Variants in SMARCD2 observed in about 807,000 individuals in gnomAD.
SMARCD2 encodes SWI/SNF related BAF chromatin remodeling complex subunit D2.
Under a neutral mutation model 70.4 loss-of-function variants are expected in SMARCD2, and 39 were observed. That is an observed-to-expected ratio of 0.55 (90% CI 0.43 to 0.72). SMARCD2 has a LOEUF of 0.72. Among genes scored for constraint, SMARCD2 ranks in the 30% least tolerant of loss-of-function variants. The pLI, the probability that SMARCD2 is intolerant of heterozygous loss-of-function variation, is 0.00. For missense variants in SMARCD2, 540 were observed against 713.4 expected, an observed-to-expected ratio of 0.76 and a Z score of 2.77; for synonymous variants, 249 against 279.4, an observed-to-expected ratio of 0.89 and a Z score of 1.08.
At position 63,833,058 on chromosome 17, in the gene SMARCD2, CAG is replaced by C; in HGVS notation, c.1542+9_1542+10del. 6.3e-7 allele frequency: 1 copy of C among 1,590,118 alleles called. No homozygotes were observed. The highest frequency in any genetic ancestry group is 2.3e-5 in the East Asian group (1 of 43,808). On this transcript the variant is annotated intron_variant, in intron 12 of 12. Coordinates refer to ENST00000448276, the MANE Select transcript of SMARCD2 (RefSeq NM_001098426.2). This position sits in a 1 kb window ranked among gnomAD's most constrained non-coding sequence, Gnocchi z 4.3. ...CACGGCCAAAGGAGGGAAAACAGGGCAGAGCCTCACCTTGGCAAAGATGTGCC... is the reference window on the plus strand; with the variant it reads ...CACGGCCAAAGGAGGGAAAACAGGGCAGCCTCACCTTGGCAAAGATGTGCC...
In SMARCD2 at chr17:63,835,055, C is replaced by T. The variant is rs1467654051; in HGVS notation, c.724-255G>A. The T allele has an allele frequency of 1.8e-5, 10 of 549,784 alleles. No homozygotes were observed. The South Asian group carries it at 2.1e-4, about 12-fold the overall frequency. 34.1% of individuals were successfully genotyped at this position (549,784 alleles called of 1,614,324 possible). A position where few individuals can be genotyped will look rare whatever the true frequency, so the allele number is the denominator to read the frequency against. The stretch of plus-strand genomic sequence containing the variant: ...CACTGTAATAACCACACAAATCAAC[C>T]TCCAACGGGCTTGGAGCAGCGCCCC... On this transcript the variant is annotated intron_variant, in intron 5 of 12. Coordinates refer to ENST00000448276, the MANE Select transcript of SMARCD2 (RefSeq NM_001098426.2).
rs1302709467 is a variant in SMARCD2, at chr17:63,838,602, T to C, written c.217-977A>G. Reference sequence around the variant, plus strand: ...GCTTCTTTAGATGCCTGCAGAAGGATTTCCCACCTGAGGCCTTGCTCCCTG... The same window carrying C: ...GCTTCTTTAGATGCCTGCAGAAGGACTTCCCACCTGAGGCCTTGCTCCCTG... On this transcript the variant is annotated intron_variant, in intron 1 of 12. Transcript: ENST00000448276. 6.7e-6 allele frequency: 10 copies of C among 1,487,716 alleles called. No individual in the cohort carries two copies. In the East Asian group the frequency reaches 1.0e-4, roughly 15 times the overall value. 92.2% of individuals were successfully genotyped at this position (1,487,716 alleles called of 1,614,324 possible).
At position 63,837,513 on chromosome 17, in the gene SMARCD2, G is replaced by A; in HGVS notation, c.329C>T (p.Thr110Ile). ...GCGTTTTCGGAATGGATCCATCATG[G>A]TGGGTGGCATGCCAGGTCGAAGCGG... ...AAPLRPGMPP[T>I]MMDPFRKRLL... Residue 110 changes from threonine to isoleucine, a missense_variant, in exon 2 of 13, where the codon ACC becomes ATC. Physicochemically the swap from Thr to Ile is moderately conservative, Grantham distance 89. Transcript: ENST00000448276. This position sits in a 1 kb window ranked among gnomAD's most constrained non-coding sequence, Gnocchi z 6.4. 1 of 1,606,606 alleles carries A rather than the reference G, an allele frequency of 6.2e-7. No homozygotes were observed.
rs543605112 is a variant in SMARCD2 at position 63,837,015 on chromosome 17, C to T, written c.474G>A (p.Ala158=). The T allele has an allele frequency of 2.3e-5, 37 of 1,613,740 alleles. No homozygotes were observed. The highest frequency in any genetic ancestry group is 1.5e-4 in the African/African-American group (11 of 75,054). ...RIRELVPESQ[A]YMDLLAFERK... ...GCTCAAAAGCCAAGAGATCCATGTA[C>T]GCCTGAGACTCTGGAACAAGCTCCC... is the stretch of plus-strand genomic sequence containing the variant. Residue 158 remains alanine (A), a synonymous_variant, in exon 4 of 13, where the codon GCG becomes GCA. Transcript: ENST00000448276. The surrounding 1 kb of genome is among the most constrained non-coding windows in gnomAD (Gnocchi z 6.4).
rs2040278224 is a variant in SMARCD2, at chr17:63,837,324, T to C, written c.402-87A>G. On this transcript the variant is annotated intron_variant, in intron 2 of 12. Coordinates refer to ENST00000448276, the MANE Select transcript of SMARCD2 (RefSeq NM_001098426.2). This position sits in a 1 kb window ranked among gnomAD's most constrained non-coding sequence, Gnocchi z 6.4. ...AACGCCCCTCCAGTCTCCAGGACCC[T>C]CTCCCCCAGGAGAGCCTGGAGTCAT... 3.9e-6 allele frequency: 6 copies of C among 1,527,052 alleles called. No individual in the cohort carries two copies. The highest frequency in any genetic ancestry group is 3.6e-6 in the Non-Finnish European group (4 of 1,101,232). The allele number at this position is 1,527,052 out of a possible 1,614,324, so 94.6% of individuals were successfully genotyped here.
In SMARCD2 at chr17:63,833,120, G is replaced by C. The variant is rs1307287893; in HGVS notation, c.1491C>G (p.Phe497Leu). The change falls in exon 12 of 13, where the codon TTC (phenylalanine) becomes TTG (leucine). Residue 497 changes from phenylalanine to leucine, a missense_variant. Coordinates refer to ENST00000448276, the MANE Select transcript of SMARCD2 (RefSeq NM_001098426.2). This position sits in a 1 kb window ranked among gnomAD's most constrained non-coding sequence, Gnocchi z 4.3. The stretch of plus-strand genomic sequence containing the variant: ...CTTCCTGGGCCCAGGGCTGGTGGTA[G>C]AAAGCAGCTCGTCTCTCCTCCTCAG... ...GNPEEERRAAFYHQPWAQEAV... is the reference protein window; with the variant it reads ...GNPEEERRAALYHQPWAQEAV... 1 of 1,606,916 alleles carries C rather than the reference G, an allele frequency of 6.2e-7. No individual in the cohort carries two copies. The highest frequency in any genetic ancestry group is 1.1e-5 in the South Asian group (1 of 89,666).
Position 63,833,100 on chromosome 17 carries a change from TG to T in SMARCD2, c.1510del (p.Gln504ArgfsTer4). 6.2e-7 allele frequency: 1 copy of T among 1,603,760 alleles called. No individual in the cohort carries two copies. Among genetic ancestry groups the T allele is most frequent in the South Asian group, 1.1e-5 (1 of 89,148 alleles). On this transcript the variant is annotated frameshift_variant, in exon 12 of 13. Coordinates refer to ENST00000448276, the MANE Select transcript of SMARCD2 (RefSeq NM_001098426.2). LOFTEE classifies it high-confidence loss of function. The surrounding 1 kb of genome is among the most constrained non-coding windows in gnomAD (Gnocchi z 4.3). Reference protein sequence around the residue: ...RAAFYHQPWAQEAVGRHIFAK... With the variant: ...RAAFYHQPWAXEAVGRHIFAK... Reference sequence around the variant, plus strand: ...AAAGATGTGCCTGCCTACTGCTTCCTGGGCCCAGGGCTGGTGGTAGAAAGCA... The same window carrying T: ...AAAGATGTGCCTGCCTACTGCTTCCTGGCCCAGGGCTGGTGGTAGAAAGCA...
Position 63,842,466 on chromosome 17 carries a change from T to C in SMARCD2, c.209A>G (p.Gln70Arg). ...RPMGPAGPAA[Q>R]YQRPGMSPGN... ...CGCGTCCTCCTTGCTCACCTGGTAC[T>C]GCGCCGCGGGGCCCGCGGGGCCCAT... The change falls in exon 1 of 13, where the codon CAG becomes CGG. Residue 70 changes from glutamine to arginine, a missense_variant. Transcript: ENST00000448276. The C allele has an allele frequency of 8.0e-7, 1 of 1,249,004 alleles. No individual in the cohort carries two copies. 77.4% of individuals were successfully genotyped at this position (1,249,004 alleles called of 1,614,324 possible).
rs1459773628 is a variant in SMARCD2, at chr17:63,834,983, A to AAT, written c.724-184_724-183insAT. On this transcript the variant is annotated intron_variant, in intron 5 of 12. Transcript: ENST00000448276. This position sits in a 1 kb window ranked among gnomAD's most constrained non-coding sequence, Gnocchi z 5.6. ...AGGCAGGGAAATGGTGCCCTCTTGC[A>AAT]GCCCACGAGGGACTTCCTCGAGACA... The AAT allele has an allele frequency of 1.9e-4, 114 of 598,282 alleles. No homozygotes were observed. Among genetic ancestry groups the AAT allele is most frequent in the Middle Eastern group, 8.8e-4 (2 of 2,260 alleles). 37.1% of individuals were successfully genotyped at this position (598,282 alleles called of 1,614,324 possible).
rs546763578 is a variant in SMARCD2, at chr17:63,841,644, C to T, written c.216+815G>A. Among the ~76,000 whole-genome samples, 161 of 152,358 alleles carry T rather than the reference C, an allele frequency of 1.1e-3. 1 individual carries two copies. Among genetic ancestry groups the T allele is most frequent in the Non-Finnish European group, 1.7e-3 (115 of 68,042 alleles). On this transcript the variant is annotated intron_variant, in intron 1 of 12. Transcript: ENST00000448276. ...AGGGCTTTTGAAGCTGCAATCTGAG[C>T]AGCTCTCAAAACCCCAAAGGGGTCA...
At position 63,842,564 on chromosome 17, in the gene SMARCD2, C is replaced by A; in HGVS notation, c.111G>T (p.Leu37=). 1 of 1,205,836 alleles carries A rather than the reference C, an allele frequency of 8.3e-7. No homozygotes were observed. The allele number at this position is 1,205,836 out of a possible 1,614,324, so 74.7% of individuals were successfully genotyped here. A position where few individuals can be genotyped will look rare whatever the true frequency, so the allele number is the denominator to read the frequency against. ...CCGGTCCCCGGAGCGCCGGTCCGGG[C>A]AGCATGCCGGGTCCCGCGGGGGGAG... ...APPPPAGPGM[L]PGPALRGPGP... Residue 37 remains leucine, a synonymous_variant, in exon 1 of 13, where the codon CTG becomes CTT. Transcript: ENST00000448276.
At chr17:63,835,940 G>A (rs1051905471) in intron 4 of SMARCD2, among the ~76,000 whole-genome samples, 4 of 152,044 alleles carry the variant, frequency 2.6e-5, no homozygotes, top group Admixed American at 6.5e-5. Flanking sequence ...TGTTGGCCAT[G>A]CTGGTCTCAA....
intron 1 of SMARCD2, 118 bp downstream of exon 1, chr17:63,842,341 C>A (rs1266039650): frequency 1.7e-6 from 2 of 1,187,722 alleles, no homozygotes; most frequent in East Asian, 4.4e-5. Flanking sequence ...CGCCCTCCAC[C>A]GTCTCCCGGA....
At position 63,833,634 on chromosome 17, in the gene SMARCD2, G is replaced by C. The variant is rs1383027355; in HGVS notation, c.1270C>G (p.Leu424Val). The C allele has an allele frequency of 1.9e-6, 3 of 1,614,026 alleles. No individual in the cohort carries two copies. Among genetic ancestry groups the C allele is most frequent in the Non-Finnish European group, 2.5e-6 (3 of 1,179,904 alleles). The change falls in exon 10 of 13, where the codon CTG (leucine) becomes GTG (valine). Residue 424 changes from leucine (L) to valine (V), a missense_variant. Physicochemically the swap from Leu to Val is conservative, Grantham distance 32. Coordinates refer to ENST00000448276, the MANE Select transcript of SMARCD2 (RefSeq NM_001098426.2). This position sits in a 1 kb window ranked among gnomAD's most constrained non-coding sequence, Gnocchi z 4.3. ...DPLKAQMSNF[L>V]ASTTNQQEIA... ...TCCTGCTGATTGGTGGTAGAGGCCA[G>C]AAAATTGCTCATTTGGGCCTTCAGT...
At position 63,834,962 on chromosome 17, in the gene SMARCD2, A is replaced by G. The variant is rs2040246166; in HGVS notation, c.724-162T>C. ...GCAGGACTCTGGGCAGACTGGAGGC[A>G]GGGAAATGGTGCCCTCTTGCAGCCC... is the stretch of plus-strand genomic sequence containing the variant. On this transcript the variant is annotated intron_variant, in intron 5 of 12. Coordinates refer to ENST00000448276, the MANE Select transcript of SMARCD2 (RefSeq NM_001098426.2). The surrounding 1 kb of genome is among the most constrained non-coding windows in gnomAD (Gnocchi z 5.6). The G allele has an allele frequency of 1.6e-6, 1 of 610,240 alleles. No homozygotes were observed. The highest frequency in any genetic ancestry group is 1.8e-5 in the African/African-American group (1 of 54,142). The allele number at this position is 610,240 out of a possible 1,614,324, so 37.8% of individuals were successfully genotyped here. A position where few individuals can be genotyped will look rare whatever the true frequency, so the allele number is the denominator to read the frequency against.
In SMARCD2 at chr17:63,837,386, C is replaced by A; in HGVS notation, c.401+55G>T. Reference sequence around the variant, plus strand: ...AAAGCTCTTAAGATAGAAGGAAACCCTCTGCTACCACCAGAGCTGAGTTAG... The same window carrying A: ...AAAGCTCTTAAGATAGAAGGAAACCATCTGCTACCACCAGAGCTGAGTTAG... On this transcript the variant is annotated intron_variant, in intron 2 of 12. Transcript: ENST00000448276. This position sits in a 1 kb window ranked among gnomAD's most constrained non-coding sequence, Gnocchi z 6.4. 2 of 1,559,402 alleles carry A rather than the reference C, an allele frequency of 1.3e-6. No homozygotes were observed. Among genetic ancestry groups the A allele is most frequent in the South Asian group, 1.1e-5 (1 of 87,468 alleles).
chr17:63,834,957 G>A lies in SMARCD2; in HGVS notation c.724-157C>T. ...TGGAAGCAGGACTCTGGGCAGACTG[G>A]AGGCAGGGAAATGGTGCCCTCTTGC... On this transcript the variant is annotated intron_variant, in intron 5 of 12. Transcript: ENST00000448276. The surrounding 1 kb of genome is among the most constrained non-coding windows in gnomAD (Gnocchi z 5.6). 1.6e-6 allele frequency: 1 copy of A among 615,042 alleles called. No homozygotes were observed. The highest frequency in any genetic ancestry group is 2.0e-5 in the South Asian group (1 of 50,530). 38.1% of individuals were successfully genotyped at this position (615,042 alleles called of 1,614,324 possible).
intron 1 of SMARCD2, among the ~76,000 whole-genome samples, chr17:63,839,588 A>C (rs1030272937): frequency 1.4e-4 from 11 of 80,752 alleles, no homozygotes; most frequent in African/African-American, 9.3e-4. Context: ...AACAAAACAA[A>C]ACAAACAAAA....
Position 63,833,754 on chromosome 17 carries a change from T to A in SMARCD2, c.1182-32A>T. Reference sequence around the variant, plus strand: ...GCAGCACATGGGGAGGGAAGGCACATAGCTGACTTCATCCTGCCCACCTGG... The same window carrying A: ...GCAGCACATGGGGAGGGAAGGCACAAAGCTGACTTCATCCTGCCCACCTGG... On this transcript the variant is annotated intron_variant, in intron 9 of 12. Coordinates refer to ENST00000448276, the MANE Select transcript of SMARCD2 (RefSeq NM_001098426.2). The surrounding 1 kb of genome is among the most constrained non-coding windows in gnomAD (Gnocchi z 4.3). The A allele has an allele frequency of 6.2e-7, 1 of 1,613,370 alleles. No individual in the cohort carries two copies. The highest frequency in any genetic ancestry group is 8.5e-7 in the Non-Finnish European group (1 of 1,179,336).
Sources: allele counts gnomAD v4.1 joint callset (sites outside exome capture counted in the v4.1 genomes callset), GRCh38; gene constraint gnomAD v4.1.1; non-coding constraint Gnocchi (gnomAD v3.1); transcripts MANE v1.5; gene names NCBI Gene and HGNC (gene_info 2026-07-23, HGNC 2026-07-21).